The following CFAP44 variants were observed in gnomAD, a reference collection of about 807,000 sequenced individuals.
The protein encoded by CFAP44 is cilia- and flagella-associated protein 44.
Under a neutral mutation model 216.2 loss-of-function variants are expected in CFAP44, and 134 were observed. The observed-to-expected ratio is 0.62, with a 90% confidence interval of 0.54 to 0.72. CFAP44 has a LOEUF of 0.72. Among genes scored for constraint, CFAP44 ranks in the 30% least tolerant of loss-of-function variants. The probability of loss-of-function intolerance (pLI) is 0.00; values close to 1 mark genes in which losing one functional copy is unlikely to be tolerated. For synonymous variants in CFAP44, 700 were observed against 727.6 expected, an observed-to-expected ratio of 0.96 and a Z score of 0.61; for missense variants, 2,035 against 2,182.1, an observed-to-expected ratio of 0.93 and a Z score of 1.34.
At position 113,399,992 on chromosome 3, in the gene CFAP44, G is replaced by A. The variant is rs1464188431; in HGVS notation, c.1483C>T (p.Arg495Ter). 3.8e-6 allele frequency: 6 copies of A among 1,585,470 alleles called. No homozygotes were observed. Among genetic ancestry groups the A allele is most frequent in the Admixed American group, 1.8e-5 (1 of 54,932 alleles). Residue 495 changes from arginine to a stop codon, truncating the protein, a stop_gained, in exon 13 of 35, where the codon CGA (arginine) becomes TGA (stop). Coordinates refer to ENST00000393845, the MANE Select transcript of CFAP44 (RefSeq NM_001164496.2). LOFTEE classifies it high-confidence loss of function. ...GTTTTGCTAGCAAAATCATAGATTC[G>A]AACAGAGCCTATAGAAAGACAGTTT... Reference protein sequence around the residue: ...MATTALDCSVRIYDFASKTPL... With the variant: ...MATTALDCSV
intron 23 of CFAP44, among the ~76,000 whole-genome samples, chr3:113,342,340 A>G (rs958477105): frequency 2.6e-5 from 4 of 152,146 alleles, no homozygotes; most frequent in Non-Finnish European, 4.4e-5. Flanking sequence ...CTCAAACAAA[A>G]CAAAACAAAA....
chr3:113,397,486 T>C (rs1270686346), intron 13 of CFAP44: 1 of 152,092 alleles, frequency 6.6e-6, no homozygotes, highest in Non-Finnish European at 1.5e-5. Context: ...CAGGGGGAAG[T>C]GGTAGTGACA....
intron 1 of CFAP44, among the ~76,000 whole-genome samples, chr3:113,439,397 C>A (rs575176484): frequency 3.2e-4 from 48 of 152,308 alleles, no homozygotes; most frequent in African/African-American, 1.2e-3. Flanking sequence ...AAAAAAAATA[C>A]TTCTACAAGG....
At position 113,327,720 on chromosome 3, in the gene CFAP44, C is replaced by T; in HGVS notation, c.4216G>A (p.Val1406Ile). ...TQMKLSDLHHVTLFQEILLLK... is the reference protein window; with the variant it reads ...TQMKLSDLHHITLFQEILLLK... ...AGAAGTATTTCTTGAAATAAGGTGA[C>T]ATGGTGCAGGTCAGATAATTTCATC... Residue 1406 changes from valine to isoleucine, a missense_variant, in exon 27 of 35, where the codon GTC becomes ATC. Physicochemically the swap from Val to Ile is conservative, Grantham distance 29. Transcript: ENST00000393845. 6.5e-7 allele frequency: 1 copy of T among 1,536,960 alleles called. No individual in the cohort carries two copies. The highest frequency in any genetic ancestry group is 8.7e-7 in the Non-Finnish European group (1 of 1,146,734).
At chr3:113,320,465 TCATATATGATATATATG>T in intron 28 of CFAP44, among the ~76,000 whole-genome samples, 1 of 102,454 alleles carries the variant, frequency 9.8e-6, no homozygotes, top group East Asian at 2.4e-4. Context: ...CATCTATATA[TCATATATGATATATATG>T]ATATATAGAT....
chr3:113,363,336 G>A (rs757335186), intron 20 of CFAP44, 29 bp from the exon 21 acceptor site: 1 of 1,586,998 alleles, frequency 6.3e-7, no homozygotes, highest in Admixed American at 1.8e-5. Context: ...AACAATAACA[G>A]GTTGTGATAC....
rs769592524 is a variant in CFAP44 at position 113,366,143 on chromosome 3, G to A, written c.2611C>T (p.Arg871Cys). The A allele has an allele frequency of 1.9e-5, 30 of 1,613,726 alleles. No homozygotes were observed. Among genetic ancestry groups the A allele is most frequent in the South Asian group, 1.8e-4 (16 of 91,048 alleles). The part of the protein sequence containing the change: ...IKSIANSFDD[R>C]FLVTAGADGN... ...TCTGCTCCAGCAGTCACCAAGAAAC[G>A]ATCATCAAAGCTATTAGCAATACTT... Residue 871 changes from arginine (R) to cysteine (C), a missense_variant, in exon 19 of 35, where the codon CGT becomes TGT. Physicochemically the swap from Arg to Cys is radical, Grantham distance 180. This residue lies in a region of CFAP44 where 1,883 missense variants were observed against 2,023.7 expected (regional missense o/e 0.93). Transcript: ENST00000393845.
chr3:113,376,400 G>T (rs1490659239), intron 17 of CFAP44, among the ~76,000 whole-genome samples: 2 of 152,172 alleles, frequency 1.3e-5, no homozygotes, highest in Non-Finnish European at 2.9e-5. Context: ...TTCACTGGAA[G>T]ATAAGTGATA....
At chr3:113,429,899 T>TC (rs1259551906) in intron 2 of CFAP44, among the ~76,000 whole-genome samples, 2 of 152,140 alleles carry the variant, frequency 1.3e-5, no homozygotes, top group Non-Finnish European at 2.9e-5. Flanking sequence ...GTAACACGTA[T>TC]CTTTCAGCAA....
chr3:113,306,180 T>C, intron 30 of CFAP44, 21 bp downstream of exon 30: 1 of 1,532,160 alleles, frequency 6.5e-7, no homozygotes, highest in East Asian at 2.4e-5. Context: ...AGAGGATAAA[T>C]AAGTAAACAG....
rs1233499280 is a variant in CFAP44 at position 113,344,365 on chromosome 3, T to C, written c.3262+151A>G. The C allele has an allele frequency of 8.6e-5, 59 of 685,948 alleles. 1 individual carries two copies. The East Asian group carries it at 1.6e-3, about 18-fold the overall frequency. The allele number at this position is 685,948 out of a possible 1,614,324, so 42.5% of individuals were successfully genotyped here. On this transcript the variant is annotated intron_variant, in intron 23 of 34. Transcript: ENST00000393845. The stretch of plus-strand genomic sequence containing the variant: ...TACCATACACTTTTGTCTCTCTTGA[T>C]TATTTACTCCAAAGAAAACCATCAT...
intron 17 of CFAP44, 137 bp downstream of exon 17, chr3:113,379,169 T>C: frequency 3.0e-6 from 2 of 657,524 alleles, no homozygotes; most frequent in Non-Finnish European, 4.6e-6. Flanking sequence ...ACTTCAATAG[T>C]ATTTAATAAA....
At chr3:113,435,487 T>C (rs939523970) in intron 1 of CFAP44, among the ~76,000 whole-genome samples, 1 of 152,012 alleles carries the variant, frequency 6.6e-6, no homozygotes, top group African/African-American at 2.4e-5. Flanking sequence ...TCCCACTGGG[T>C]CCCTCCCATG....
At chr3:113,412,583 C>T (rs1193904429) in intron 6 of CFAP44, among the ~76,000 whole-genome samples, 2 of 152,100 alleles carry the variant, frequency 1.3e-5, no homozygotes, top group Middle Eastern at 3.2e-3. Context: ...TCCATGTGTT[C>T]TCAATCTTCA....
At chr3:113,294,864 GAAGA>G (rs1191856586) in intron 33 of CFAP44, 43 bp from the exon 34 acceptor site, 4 of 1,476,326 alleles carry the variant, frequency 2.7e-6, no homozygotes, top group African/African-American at 1.4e-5. Context: ...GTGAATACGA[GAAGA>G]AAGAAAGAAA....
At chr3:113,367,330 G>A (rs1158794986) in intron 18 of CFAP44, among the ~76,000 whole-genome samples, 1 of 152,194 alleles carries the variant, frequency 6.6e-6, no homozygotes, top group East Asian at 1.9e-4. Context: ...CCTCATACAG[G>A]CGGGTGCCCT....
chr3:113,403,875 C>G lies in CFAP44; in HGVS notation c.1147G>C (p.Val383Leu). ...IMLYEGEVIT[V>L]GSDGYVRIWD... is the part of the protein sequence containing the mutation. ...ACCCTAACATATCCATCTGACCCAA[C>G]AGTGATAACTTCACCCTCATACAGC... The change falls in exon 9 of 35, where the codon GTT becomes CTT. Residue 383 changes from valine (V) to leucine (L), a missense_variant. This residue lies in a region of CFAP44 where 1,883 missense variants were observed against 2,023.7 expected (regional missense o/e 0.93). Transcript: ENST00000393845. 6.2e-7 allele frequency: 1 copy of G among 1,613,868 alleles called. No homozygotes were observed.
At chr3:113,372,352 G>A (rs1487495757) in intron 18 of CFAP44, among the ~76,000 whole-genome samples, 1 of 152,158 alleles carries the variant, frequency 6.6e-6, no homozygotes, top group Admixed American at 6.5e-5. Context: ...ATGATAGACT[G>A]GATTAAGAAA....
At chr3:113,322,933 G>A (rs1950157842) in intron 28 of CFAP44, among the ~76,000 whole-genome samples, 1 of 152,194 alleles carries the variant, frequency 6.6e-6, no homozygotes, top group Admixed American at 6.5e-5. Flanking sequence ...AGTAGAAAGG[G>A]AAGCAAACAT....
Sources: gnomAD v4.1 joint callset for allele counts (sites outside exome capture counted in the v4.1 genomes callset) on GRCh38, gnomAD v4.1.1 for gene constraint, gnomAD v4.1.1 regional missense constraint, MANE v1.5 for transcripts, NCBI Gene and HGNC (gene_info 2026-07-23, HGNC 2026-07-21) for gene names.